The following USP40 variants were observed in gnomAD, a reference collection of about 807,000 sequenced individuals.
USP40 encodes ubiquitin specific peptidase 40.
In USP40, 143 loss-of-function variants were observed where a neutral mutation model predicts 166.2. The ratio of observed to expected loss-of-function variants is 0.86; its 90% confidence interval spans 0.75 to 0.99. The LOEUF is 0.99. USP40 is among the 50% of genes least tolerant of loss of function. USP40 has a pLI of 0.00. For synonymous variants in USP40, 498 were observed against 524.0 expected (o/e 0.95, Z 0.68); for missense variants, 1,444 against 1,479.7 (o/e 0.98, Z 0.40).
chr2:233,538,408 A>G (rs949731067), intron 10 of USP40, among the ~76,000 whole-genome samples: 1 of 152,174 alleles, frequency 6.6e-6, no homozygotes, highest in African/African-American at 2.4e-5. Flanking sequence ...GTTTTCTTGA[A>G]AAGTTTAATA....
rs1032054832 is a variant in USP40, at chr2:233,486,662, A to C, written c.3198-685T>G. Among the ~76,000 whole-genome samples the C allele has an allele frequency of 6.6e-6, 1 of 152,150 alleles. No homozygotes were observed. Among genetic ancestry groups the C allele is most frequent in the South Asian group, 2.1e-4 (1 of 4,828 alleles). On this transcript the variant is annotated intron_variant, in intron 28 of 31. Transcript: ENST00000678225. This position sits in a 1 kb window ranked among gnomAD's most constrained non-coding sequence, Gnocchi z 4.0. Reference sequence around the variant, plus strand: ...TGCTGAGACAATGAATGATTTTTAGATGTACTTCTATTAAGTGTTTTTACC... The same window carrying C: ...TGCTGAGACAATGAATGATTTTTAGCTGTACTTCTATTAAGTGTTTTTACC...
intron 22 of USP40, 59 bp downstream of exon 22, chr2:233,499,820 A>G: frequency 6.5e-7 from 1 of 1,531,116 alleles, no homozygotes; most frequent in South Asian, 1.2e-5. Flanking sequence ...GAGAAAAAAA[A>G]AGTCAAAAAA....
intron 25 of USP40, among the ~76,000 whole-genome samples, chr2:233,492,231 A>G (rs2065392471): frequency 6.6e-6 from 1 of 152,242 alleles, no homozygotes; most frequent in Admixed American, 6.5e-5. Context: ...GCTGCTGTAC[A>G]GGTCTGTAGC....
intron 23 of USP40, 56 bp from the exon 24 acceptor site, chr2:233,496,888 T>C (rs559394108): frequency 5.7e-6 from 8 of 1,393,536 alleles, no homozygotes; most frequent in South Asian, 2.4e-5. Context: ...GAGCAGATCA[T>C]TGATCTTTTT....
chr2:233,528,788 AAGG>A (rs1224587449), intron 12 of USP40, among the ~76,000 whole-genome samples: 1 of 152,122 alleles, frequency 6.6e-6, no homozygotes, highest in African/African-American at 2.4e-5. Context: ...TTTGGTCCAC[AAGG>A]AGATCACGGT....
At chr2:233,511,435 T>C (rs1448774162) in intron 20 of USP40, among the ~76,000 whole-genome samples, 1 of 152,166 alleles carries the variant, frequency 6.6e-6, no homozygotes, top group Non-Finnish European at 1.5e-5. Flanking sequence ...ATCTTAGAAC[T>C]TAGGAAATAT....
chr2:233,556,604 C>A, intron 5 of USP40: 1 of 229,004 alleles, frequency 4.4e-6, no homozygotes, highest in Non-Finnish European at 8.4e-6. Context: ...GTAAATATCC[C>A]CCAAATCTAT....
At position 233,477,472 on chromosome 2, in the gene USP40, T is replaced by C. The variant is rs376533938; in HGVS notation, c.3631A>G (p.Ile1211Val). ...GCAGGCGTCTCTGCACTGGAGAGGA[T>C]GTAGCTGCTCTGCTCATGGAGGGCT... ...QEALHEQSSY[I>V]LSSAETPARP... The change falls in exon 32 of 32, where the codon ATC (isoleucine) becomes GTC (valine). Residue 1211 changes from isoleucine to valine, a missense_variant. Ile to Val is a conservative substitution (Grantham distance 29, BLOSUM62 3). Coordinates refer to ENST00000678225, the MANE Select transcript of USP40 (RefSeq NM_001365479.2). 1,493 of 1,613,782 alleles carry C rather than the reference T, an allele frequency of 9.3e-4. 28 individuals carry two copies. In the South Asian group the frequency reaches 0.015, roughly 16 times the overall value.
chr2:233,549,897 TCAAA>T, intron 7 of USP40, among the ~76,000 whole-genome samples: 1 of 152,188 alleles, frequency 6.6e-6, no homozygotes, highest in South Asian at 2.1e-4. Flanking sequence ...TCATGAGTGA[TCAAA>T]CAGATGTACT....
chr2:233,512,303 A>G (rs2066893293), intron 19 of USP40: 1 of 247,012 alleles, frequency 4.0e-6, no homozygotes, highest in East Asian at 7.9e-5. Context: ...TTTGAAAATA[A>G]AGCTGGAAAA....
chr2:233,514,540 G>A (rs1029241852), intron 18 of USP40, among the ~76,000 whole-genome samples: 1 of 152,152 alleles, frequency 6.6e-6, no homozygotes, highest in Non-Finnish European at 1.5e-5. Flanking sequence ...CAGTTAAGCA[G>A]GGGTCAAATT....
At chr2:233,556,782 T>C (rs1209448429) in intron 5 of USP40, 73 bp downstream of exon 5, 1 of 1,390,014 alleles carries the variant, frequency 7.2e-7, no homozygotes, top group African/African-American at 1.5e-5. Flanking sequence ...TTGTGTGGTA[T>C]ATATCATACA....
intron 12 of USP40, among the ~76,000 whole-genome samples, chr2:233,528,258 C>T (rs1225496497): frequency 1.3e-5 from 2 of 152,260 alleles, no homozygotes; most frequent in African/African-American, 2.4e-5. Flanking sequence ...GGATTACAGA[C>T]GTGAGCCACT....
rs2064962577 is a variant in USP40, at chr2:233,486,558, G to A, written c.3198-581C>T. Reference sequence around the variant, plus strand: ...GGCAGGAGGAACAGGGACGTGCAGAGGTCAGCACAGGCCATGGAGGAAAAG... The same window carrying A: ...GGCAGGAGGAACAGGGACGTGCAGAAGTCAGCACAGGCCATGGAGGAAAAG... On this transcript the variant is annotated intron_variant, in intron 28 of 31. Coordinates refer to ENST00000678225, the MANE Select transcript of USP40 (RefSeq NM_001365479.2). This position sits in a 1 kb window ranked among gnomAD's most constrained non-coding sequence, Gnocchi z 4.0. Among the ~76,000 whole-genome samples the A allele has an allele frequency of 1.3e-5, 2 of 152,182 alleles. No individual in the cohort carries two copies. The highest frequency in any genetic ancestry group is 6.5e-5 in the Admixed American group (1 of 15,282).
Position 233,485,764 on chromosome 2 carries a change from T to C in USP40, c.3408+3A>G. On this transcript the variant is annotated splice_donor_region_variant and intron_variant, in intron 29 of 31. Coordinates refer to ENST00000678225, the MANE Select transcript of USP40 (RefSeq NM_001365479.2). Reference sequence around the variant, plus strand: ...TTTCTCTGAGACAGCCCCACAACTTTACCCAGCTAGATATCGGAAGCCACT... The same window carrying C: ...TTTCTCTGAGACAGCCCCACAACTTCACCCAGCTAGATATCGGAAGCCACT... 1.2e-6 allele frequency: 2 copies of C among 1,612,996 alleles called. No individual in the cohort carries two copies. Among genetic ancestry groups the C allele is most frequent in the Non-Finnish European group, 1.7e-6 (2 of 1,179,530 alleles).
intron 3 of USP40, chr2:233,561,231 T>C: frequency 1.3e-6 from 2 of 1,549,560 alleles, no homozygotes; most frequent in Non-Finnish European, 1.7e-6. Context: ...AAAGTTCATA[T>C]GGAACCAAAA....
At chr2:233,531,812 T>A (rs1314248568) in intron 11 of USP40, among the ~76,000 whole-genome samples, 1 of 152,180 alleles carries the variant, frequency 6.6e-6, no homozygotes. Context: ...TCTATAAAGC[T>A]TTTCTCACTG....
intron 1 of USP40, among the ~76,000 whole-genome samples, chr2:233,566,118 G>T (rs1267924974): frequency 6.6e-6 from 1 of 150,936 alleles, no homozygotes; most frequent in Non-Finnish European, 1.5e-5. Flanking sequence ...CTTTAGTACA[G>T]TCCCGAAGCT....
At position 233,565,514 on chromosome 2, in the gene USP40, G is replaced by A; in HGVS notation, c.41C>T (p.Ser14Phe). The stretch of plus-strand genomic sequence containing the variant: ...CTTCCCTTTTCCATACTGATTATTA[G>A]ACACAGTGGAATACTCCTCTTCAAA... ...DLFEEEYSTV[S>F]NNQYGKGKKL... The change falls in exon 2 of 32, where the codon TCT becomes TTT. Residue 14 changes from serine (S) to phenylalanine (F), a missense_variant. By Grantham distance (155) the Ser-to-Phe change is radical. Coordinates refer to ENST00000678225, the MANE Select transcript of USP40 (RefSeq NM_001365479.2). The A allele has an allele frequency of 2.0e-6, 3 of 1,537,212 alleles. No individual in the cohort carries two copies. Among genetic ancestry groups the A allele is most frequent in the Non-Finnish European group, 2.6e-6 (3 of 1,146,850 alleles).
Sources: gnomAD v4.1 joint callset for allele counts (sites outside exome capture counted in the v4.1 genomes callset) on GRCh38, gnomAD v4.1.1 for gene constraint, Gnocchi (gnomAD v3.1) non-coding constraint, MANE v1.5 for transcripts, NCBI Gene and HGNC (gene_info 2026-07-23, HGNC 2026-07-21) for gene names.